The following NRXN3 variants were observed in gnomAD, a reference collection of about 807,000 sequenced individuals.
NRXN3 encodes the protein neurexin 3.
Under a neutral mutation model 137.6 loss-of-function variants are expected in NRXN3, and 32 were observed. That is an observed-to-expected ratio of 0.23 (90% confidence interval 0.18 to 0.31). The LOEUF is 0.31. NRXN3 is among the 10% of genes least tolerant of loss of function. The pLI is 1.00. For synonymous variants in NRXN3, 798 were observed against 784.5 expected, an observed-to-expected ratio of 1.02 and a Z score of -0.29; for missense variants, 1,574 against 2,062.5, an observed-to-expected ratio of 0.76 and a Z score of 4.59.
intron 19 of NRXN3, among the ~76,000 whole-genome samples, chr14:79,719,453 A>G (rs1036558783): frequency 6.7e-6 from 1 of 149,054 alleles, no homozygotes; most frequent in Non-Finnish European, 1.5e-5. Flanking sequence ...ATCAAAACAA[A>G]AAAGGCAATT....
intron 10 of NRXN3, among the ~76,000 whole-genome samples, chr14:78,937,680 A>G (rs1332531214): frequency 2.6e-5 from 4 of 152,364 alleles, no homozygotes; most frequent in East Asian, 3.9e-4. Flanking sequence ...AGATATCACC[A>G]GGAAATTCTC....
intron 10 of NRXN3, among the ~76,000 whole-genome samples, chr14:78,874,536 A>G (rs891067248): frequency 6.6e-6 from 1 of 152,172 alleles, no homozygotes; most frequent in Non-Finnish European, 1.5e-5. Flanking sequence ...CCTACCAGCC[A>G]TCACTACAGA....
intron 16 of NRXN3, among the ~76,000 whole-genome samples, chr14:79,528,327 T>C (rs1314322664): frequency 2.0e-5 from 3 of 152,164 alleles, no homozygotes; most frequent in African/African-American, 4.8e-5. Flanking sequence ...TAAAGGGAGA[T>C]AAGATTAAAC....
At chr14:78,743,611 G>A (rs2152931954) in intron 8 of NRXN3, among the ~76,000 whole-genome samples, 1 of 152,232 alleles carries the variant, frequency 6.6e-6, no homozygotes, top group African/African-American at 2.4e-5. Flanking sequence ...TCACATATCA[G>A]GGTATCAAAA....
chr14:78,732,295 A>G (rs1367933118), intron 8 of NRXN3, among the ~76,000 whole-genome samples: 1 of 152,192 alleles, frequency 6.6e-6, no homozygotes, highest in Non-Finnish European at 1.5e-5. Context: ...AGTGGAAGGG[A>G]CTGCAAAGTC....
intron 15 of NRXN3, among the ~76,000 whole-genome samples, chr14:79,296,025 C>T (rs760436235): frequency 5.3e-5 from 8 of 152,166 alleles, no homozygotes; most frequent in South Asian, 2.1e-4. Flanking sequence ...AAGAGGTTCA[C>T]GCCTTGGTGG....
intron 5 of NRXN3, among the ~76,000 whole-genome samples, chr14:78,648,608 G>A (rs1417131430): frequency 6.6e-6 from 1 of 152,074 alleles, no homozygotes. Flanking sequence ...AATGAAATAG[G>A]CTGTAGATGT....
intron 7 of NRXN3, among the ~76,000 whole-genome samples, chr14:78,710,635 G>GAAAAAGAAA (rs2098399202): frequency 6.6e-6 from 1 of 152,136 alleles, no homozygotes; most frequent in Non-Finnish European, 1.5e-5. Flanking sequence ...GTCTCTATTT[G>GAAAAAGAAA]GATATTTTCT....
intron 15 of NRXN3, among the ~76,000 whole-genome samples, chr14:79,357,327 ACTT>A (rs2093460459): frequency 2.0e-5 from 3 of 152,150 alleles, no homozygotes; most frequent in African/African-American, 7.2e-5. Flanking sequence ...TTTATTATAA[ACTT>A]CTTTTTTAAA....
intron 4 of NRXN3, among the ~76,000 whole-genome samples, chr14:78,525,686 A>AC (rs1242677748): frequency 6.6e-6 from 1 of 152,184 alleles, no homozygotes; most frequent in Non-Finnish European, 1.5e-5. Context: ...GATGGGTGTA[A>AC]CCTTAATCCC....
intron 15 of NRXN3, among the ~76,000 whole-genome samples, chr14:79,262,988 G>A (rs2077868716): frequency 6.6e-6 from 1 of 152,182 alleles, no homozygotes. Flanking sequence ...CTTAAAGTAT[G>A]GGTGTGTGCA....
chr14:79,655,872 G>T (rs185757040), intron 16 of NRXN3, among the ~76,000 whole-genome samples: 161 of 152,238 alleles, frequency 1.1e-3, no homozygotes, highest in Non-Finnish European at 1.6e-3. Context: ...TAAGAAAGTG[G>T]TTCCTAAACT....
At chr14:79,302,411 G>A (rs976488715) in intron 15 of NRXN3, among the ~76,000 whole-genome samples, 4 of 152,070 alleles carry the variant, frequency 2.6e-5, no homozygotes, top group Non-Finnish European at 4.4e-5. Context: ...ACTCATGGTG[G>A]AAGGTAAAGA....
intron 15 of NRXN3, among the ~76,000 whole-genome samples, chr14:79,234,320 A>ATATATATATATATAATATT (rs2072916966): frequency 1.8e-5 from 2 of 113,628 alleles, no homozygotes; most frequent in African/African-American, 7.4e-5. Context: ...ATATATATAT[A>ATATATATATATATAATATT]TATATATATA....
chr14:78,284,342 C>A (rs112642552), intron 3 of NRXN3, among the ~76,000 whole-genome samples: 2 of 152,102 alleles, frequency 1.3e-5, no homozygotes, highest in Non-Finnish European at 2.9e-5. Flanking sequence ...CAAGTTGTCC[C>A]GCCTTTCCAG....
chr14:78,276,247 A>G (rs916307030), intron 2 of NRXN3, among the ~76,000 whole-genome samples: 1 of 152,182 alleles, frequency 6.6e-6, no homozygotes, highest in Non-Finnish European at 1.5e-5. Context: ...AGAAATAAGG[A>G]TGGAATTTGT....
At chr14:78,213,743 G>T (rs905505074) in intron 1 of NRXN3, among the ~76,000 whole-genome samples, 1 of 152,152 alleles carries the variant, frequency 6.6e-6, no homozygotes, top group Non-Finnish European at 1.5e-5. Context: ...TCTCAGTGGT[G>T]CACTTCCATG....
At chr14:78,616,938 A>G (rs1383481888) in intron 4 of NRXN3, among the ~76,000 whole-genome samples, 1 of 152,198 alleles carries the variant, frequency 6.6e-6, no homozygotes, top group Non-Finnish European at 1.5e-5. Context: ...ATATTAGGAT[A>G]TTACTGTCCC....
intron 15 of NRXN3, among the ~76,000 whole-genome samples, chr14:78,993,410 T>G (rs921933936): frequency 2.6e-5 from 4 of 152,200 alleles, no homozygotes; most frequent in Non-Finnish European, 5.9e-5. Context: ...GAACCTATGT[T>G]GTTCCAGACC....
Sources: allele counts gnomAD v4.1 joint callset (sites outside exome capture counted in the v4.1 genomes callset), GRCh38; gene constraint gnomAD v4.1.1; transcripts MANE v1.5; gene names NCBI Gene and HGNC (gene_info 2026-07-23, HGNC 2026-07-21).